Variants in SMG6 observed in about 807,000 individuals in gnomAD.
SMG6 encodes the protein telomerase-binding protein EST1A.
SMG6 carries 66 observed loss-of-function variants against 142.2 expected under a neutral mutation model. The ratio of observed to expected loss-of-function variants is 0.46; its 90% confidence interval spans 0.38 to 0.57. The LOEUF (loss-of-function observed/expected upper bound fraction) is 0.57. Among genes scored for constraint, SMG6 ranks in the 20% least tolerant of loss-of-function variants. SMG6 has a pLI of 0.00. For missense variants in SMG6, 1,793 were observed against 1,832.0 expected, an observed-to-expected ratio of 0.98 and a Z score of 0.39; for synonymous variants, 779 against 702.4, an observed-to-expected ratio of 1.11 and a Z score of -1.72.
intron 10 of SMG6, among the ~76,000 whole-genome samples, chr17:2,206,176 C>A (rs2072675602): frequency 6.6e-6 from 1 of 151,856 alleles, no homozygotes; most frequent in South Asian, 2.1e-4. Context: ...AAAATAGTAT[C>A]CTAAAGTTAT....
intron 12 of SMG6, among the ~76,000 whole-genome samples, chr17:2,185,879 T>C (rs918400791): frequency 1.3e-5 from 2 of 152,082 alleles, no homozygotes; most frequent in Non-Finnish European, 2.9e-5. Context: ...CACGCTGCCA[T>C]GCCAGGAGAC....
chr17:2,297,521 TCA>T (rs909907026), intron 3 of SMG6, among the ~76,000 whole-genome samples, 168 bp from the exon 4 acceptor site: 10 of 151,986 alleles, frequency 6.6e-5, no homozygotes, highest in South Asian at 6.2e-4. Flanking sequence ...CAAGGCAAAT[TCA>T]CAGTCAAAGC....
intron 10 of SMG6, among the ~76,000 whole-genome samples, chr17:2,216,728 TAAA>T (rs1386662912): frequency 6.6e-6 from 1 of 152,216 alleles, no homozygotes; most frequent in Non-Finnish European, 1.5e-5. Flanking sequence ...AGGAATTTGC[TAAA>T]ATATTATATA....
chr17:2,142,235 G>C (rs2070503887), intron 13 of SMG6, among the ~76,000 whole-genome samples: 1 of 152,166 alleles, frequency 6.6e-6, no homozygotes, highest in Non-Finnish European at 1.5e-5. Flanking sequence ...AGATTAATTG[G>C]ACTTCGTAAA....
intron 13 of SMG6, among the ~76,000 whole-genome samples, chr17:2,158,442 TAAGAAAC>T (rs1240117452): frequency 6.6e-6 from 1 of 152,236 alleles, no homozygotes; most frequent in Non-Finnish European, 1.5e-5. Context: ...TACTGGTAGT[TAAGAAAC>T]ACTTGAATTC....
chr17:2,226,859 G>A (rs916353589), intron 10 of SMG6, among the ~76,000 whole-genome samples: 1 of 152,100 alleles, frequency 6.6e-6, no homozygotes, highest in African/African-American at 2.4e-5. Flanking sequence ...CCGAGATCAC[G>A]CCAATGCACT....
At chr17:2,061,914 T>C (rs2067792199) in intron 18 of SMG6, 1 of 347,928 alleles carries the variant, frequency 2.9e-6, no homozygotes, top group Admixed American at 4.0e-5. Flanking sequence ...GACCCTAAAC[T>C]GAGGGAATAG....
At chr17:2,073,453 A>G (rs556870636) in intron 15 of SMG6, among the ~76,000 whole-genome samples, 3 of 152,002 alleles carry the variant, frequency 2.0e-5, no homozygotes, top group South Asian at 2.1e-4. Context: ...GCTCACGCCT[A>G]TAATCCCAGC....
At chr17:2,163,547 T>C (rs1451620184) in intron 13 of SMG6, among the ~76,000 whole-genome samples, 1 of 152,236 alleles carries the variant, frequency 6.6e-6, no homozygotes. Flanking sequence ...TGGCTTCATA[T>C]CCAGCAACTT....
intron 4 of SMG6, among the ~76,000 whole-genome samples, chr17:2,294,715 T>C (rs1375847892): frequency 1.2e-4 from 18 of 152,076 alleles, no homozygotes; most frequent in Non-Finnish European, 4.4e-5. Flanking sequence ...ACCCCCAACA[T>C]CCTTGGCAAA....
At chr17:2,217,228 T>G (rs2073044764) in intron 10 of SMG6, among the ~76,000 whole-genome samples, 1 of 152,072 alleles carries the variant, frequency 6.6e-6, no homozygotes, top group Non-Finnish European at 1.5e-5. Context: ...TAAAAATACA[T>G]TTACACAATA....
chr17:2,264,711 GACC>G (rs2074384201), intron 8 of SMG6, among the ~76,000 whole-genome samples: 1 of 152,090 alleles, frequency 6.6e-6, no homozygotes, highest in Non-Finnish European at 1.5e-5. Context: ...AGACCAGCCT[GACC>G]CACATGGTGA....
chr17:2,178,007 A>G (rs1170923388), intron 12 of SMG6, among the ~76,000 whole-genome samples: 1 of 152,210 alleles, frequency 6.6e-6, no homozygotes, highest in Non-Finnish European at 1.5e-5. Context: ...ACTGGAGAAA[A>G]CTGCAGGAAT....
intron 8 of SMG6, among the ~76,000 whole-genome samples, chr17:2,260,930 A>G (rs989440689): frequency 7.3e-5 from 11 of 151,582 alleles, no homozygotes; most frequent in Non-Finnish European, 1.3e-4. Context: ...CGGGAGGCGG[A>G]GGTTGCAGTG....
chr17:2,117,743 C>T (rs1308744827), intron 13 of SMG6: 2 of 152,072 alleles, frequency 1.3e-5, no homozygotes, highest in Non-Finnish European at 2.9e-5. Context: ...AGGATTCTAG[C>T]GTTTGTCGTA....
chr17:2,093,243 G>A (rs537640290), intron 13 of SMG6, among the ~76,000 whole-genome samples: 2 of 151,402 alleles, frequency 1.3e-5, no homozygotes, highest in African/African-American at 4.8e-5. Flanking sequence ...GTGAGACTGT[G>A]TCTGTCAAAA....
At chr17:2,298,504 G>A (rs1597236451) in intron 2 of SMG6, among the ~76,000 whole-genome samples, 1 of 152,138 alleles carries the variant, frequency 6.6e-6, no homozygotes, top group Non-Finnish European at 1.5e-5. Context: ...CGGATCACGA[G>A]GTCAGGAGAT....
At chr17:2,207,665 G>A (rs1272022390) in intron 10 of SMG6, among the ~76,000 whole-genome samples, 1 of 152,130 alleles carries the variant, frequency 6.6e-6, no homozygotes, top group Admixed American at 6.5e-5. Flanking sequence ...AGGGGGAATT[G>A]TCTAGATTGT....
chr17:2,118,868 C>A (rs2069590480), intron 13 of SMG6, among the ~76,000 whole-genome samples: 1 of 149,428 alleles, frequency 6.7e-6, no homozygotes, highest in Admixed American at 6.7e-5. Context: ...AGATTATAGG[C>A]ATGGGCCACT....
Sources: gnomAD v4.1 joint callset for allele counts (sites outside exome capture counted in the v4.1 genomes callset) on GRCh38, gnomAD v4.1.1 for gene constraint, MANE v1.5 for transcripts, NCBI Gene and HGNC (gene_info 2026-07-23, HGNC 2026-07-21) for gene names.